Variants in RHBDL3 observed in about 807,000 individuals in gnomAD.
RHBDL3 encodes the protein rhomboid-related protein 3.
A neutral mutation model predicts 48.2 loss-of-function variants in RHBDL3; 28 were observed. The ratio of observed to expected loss-of-function variants is 0.58; its 90% CI spans 0.43 to 0.80. The LOEUF is 0.80. RHBDL3 is among the 30% of genes least tolerant of loss of function. RHBDL3 has a pLI of 0.00. For missense variants in RHBDL3, 464 were observed against 542.7 expected, an observed-to-expected ratio of 0.85 and a Z score of 1.44; for synonymous variants, 208 against 232.3, an observed-to-expected ratio of 0.90 and a Z score of 0.95.
At chr17:32,289,126 T>C in intron 4 of RHBDL3, 110 bp downstream of exon 4, 1 of 825,538 alleles carries the variant, frequency 1.2e-6, no homozygotes, top group South Asian at 1.6e-5. Context: ...ACATTTCTTT[T>C]CCATTGAAGG....
intron 3 of RHBDL3, among the ~76,000 whole-genome samples, chr17:32,287,187 C>A (rs2040217187): frequency 6.6e-6 from 1 of 152,196 alleles, no homozygotes; most frequent in Non-Finnish European, 1.5e-5. Context: ...CAGCACTGGG[C>A]ATGTGAGGGA....
chr17:32,299,691 C>T (rs1054557389), intron 6 of RHBDL3, among the ~76,000 whole-genome samples: 3 of 152,154 alleles, frequency 2.0e-5, no homozygotes, highest in African/African-American at 4.8e-5. Flanking sequence ...AGGTGACATG[C>T]AGTGGGGAGA....
intron 7 of RHBDL3, among the ~76,000 whole-genome samples, chr17:32,314,435 A>G (rs11080179): frequency 0.37 from 56,548 of 150,924 alleles, 12,229 homozygotes; most frequent in Non-Finnish European, 0.48. Context: ...CACCCGCCTC[A>G]GCCTCCCAAA....
chr17:32,296,577 G>A (rs1042022749), intron 5 of RHBDL3, among the ~76,000 whole-genome samples: 8 of 151,344 alleles, frequency 5.3e-5, no homozygotes, highest in Non-Finnish European at 1.2e-4. Context: ...GTTGTGATCC[G>A]CCCACCTCAG....
chr17:32,288,967 A>ACAC lies in RHBDL3; in HGVS notation c.472_474dup (p.Thr158dup). On this transcript the variant is annotated inframe_insertion, in exon 4 of 9. Coordinates refer to ENST00000269051, the MANE Select transcript of RHBDL3 (RefSeq NM_138328.3). ...GACCGCAAGTGGTACTATGACAGCT[A>ACAC]CACCTGCTGCCCCCCACCCTGGTTC... 1 of 1,614,168 alleles carries ACAC rather than the reference A, an allele frequency of 6.2e-7. No homozygotes were observed. Among genetic ancestry groups the ACAC allele is most frequent in the Non-Finnish European group, 8.5e-7 (1 of 1,180,020 alleles).
chr17:32,282,381 A>G (rs1358979720), intron 2 of RHBDL3, among the ~76,000 whole-genome samples: 1 of 152,174 alleles, frequency 6.6e-6, no homozygotes, highest in East Asian at 1.9e-4. Flanking sequence ...AGCCTGGGCA[A>G]CGTAGTGAGA....
rs9903601 is a variant in RHBDL3 at position 32,275,029 on chromosome 17, C to G, written c.135+7104C>G. On this transcript the variant is annotated intron_variant, in intron 2 of 8. Transcript: ENST00000269051. ...ATGCACCCGCTCTGCATCTTGCTCCCCTCCTTCTCCCTGGATCTGTTGGCT... is the reference window on the plus strand; with the variant it reads ...ATGCACCCGCTCTGCATCTTGCTCCGCTCCTTCTCCCTGGATCTGTTGGCT... 5.6e-3 allele frequency among the ~76,000 whole-genome samples: 849 copies of G among 152,266 alleles called. 12 individuals are homozygous for G. Among genetic ancestry groups the G allele is most frequent in the African/African-American group, 0.019 (790 of 41,548 alleles).
intron 2 of RHBDL3, among the ~76,000 whole-genome samples, chr17:32,269,654 G>C (rs1170638894): frequency 6.6e-6 from 1 of 152,226 alleles, no homozygotes; most frequent in African/African-American, 2.4e-5. Context: ...AGGCAGGAGG[G>C]AGCCCGCTGC....
intron 2 of RHBDL3, among the ~76,000 whole-genome samples, chr17:32,281,922 G>C (rs2040061716): frequency 6.6e-6 from 1 of 152,200 alleles, no homozygotes; most frequent in Non-Finnish European, 1.5e-5. Flanking sequence ...TTAGAGGAGT[G>C]CTCAGCTGTC....
At chr17:32,298,478 C>A (rs1453885633) in intron 6 of RHBDL3, among the ~76,000 whole-genome samples, 1 of 152,220 alleles carries the variant, frequency 6.6e-6, no homozygotes, top group African/African-American at 2.4e-5. Context: ...CTCACACCAC[C>A]ATGTGGTAGC....
Position 32,321,129 on chromosome 17 carries a change from G to T in RHBDL3, c.1115G>T (p.Trp372Leu). 6.2e-7 allele frequency: 1 copy of T among 1,614,246 alleles called. No individual in the cohort carries two copies. Among genetic ancestry groups the T allele is most frequent in the Non-Finnish European group, 8.5e-7 (1 of 1,180,042 alleles). The change falls in exon 9 of 9, where the codon TGG becomes TTG. Residue 372 changes from tryptophan (W) to leucine (L), a missense_variant. Trp to Leu is a moderately conservative substitution (Grantham distance 61). Coordinates refer to ENST00000269051, the MANE Select transcript of RHBDL3 (RefSeq NM_138328.3). ...AGGCTCCAGGACCAGTCACTGTGGT[G>T]GATTTTTGTGGCCATGTACACCGTC... ...EQRLQDQSLW[W>L]IFVAMYTVFV...
At chr17:32,269,709 C>T (rs867313459) in intron 2 of RHBDL3, among the ~76,000 whole-genome samples, 4 of 152,264 alleles carry the variant, frequency 2.6e-5, no homozygotes, top group Admixed American at 6.5e-5. Context: ...TTCACACCTC[C>T]TGCCAGATTT....
intron 1 of RHBDL3, 77 bp from the exon 2 acceptor site, chr17:32,267,825 T>C (rs2039672609): frequency 6.2e-7 from 1 of 1,611,870 alleles, no homozygotes; most frequent in Non-Finnish European, 8.5e-7. Flanking sequence ...ATCCGAGGAC[T>C]ACAGAGACCT....
intron 6 of RHBDL3, among the ~76,000 whole-genome samples, chr17:32,300,048 G>A (rs533555883): frequency 3.7e-4 from 56 of 152,248 alleles, no homozygotes; most frequent in African/African-American, 9.9e-4. Context: ...ACACAGCAAC[G>A]CTACGAGGTG....
intron 1 of RHBDL3, 46 bp downstream of exon 1, chr17:32,266,346 G>C: frequency 9.3e-7 from 1 of 1,080,670 alleles, no homozygotes. Flanking sequence ...GGGGCGCCGG[G>C]GGGAAAAGCC....
chr17:32,298,066 G>A, intron 5 of RHBDL3, 26 bp from the exon 6 acceptor site: 4 of 1,420,628 alleles, frequency 2.8e-6, no homozygotes, highest in Non-Finnish European at 3.0e-6. Flanking sequence ...ATAGATGAAT[G>A]AGTGAGTGTG....
intron 3 of RHBDL3, 61 bp downstream of exon 3, chr17:32,284,878 C>G (rs1368999783): frequency 1.4e-6 from 2 of 1,424,380 alleles, no homozygotes; most frequent in Non-Finnish European, 2.0e-6. Context: ...GGCTTCCACA[C>G]ATTTAAAGGA....
At position 32,284,971 on chromosome 17, in the gene RHBDL3, ATCT is replaced by A. The variant is rs149142125; in HGVS notation, c.294+158_294+160del. 2.7e-3 allele frequency among the ~76,000 whole-genome samples: 416 copies of A among 152,342 alleles called. 2 individuals carry two copies. The highest frequency in any genetic ancestry group is 9.7e-3 in the African/African-American group (403 of 41,584). On this transcript the variant is annotated intron_variant, in intron 3 of 8. Coordinates refer to ENST00000269051, the MANE Select transcript of RHBDL3 (RefSeq NM_138328.3). ...GGTGAAAGGGTGCCACCAAGGACTC[ATCT>A]TCTCTTTGTCTCTAGGCTCTGCCCT...
intron 6 of RHBDL3, among the ~76,000 whole-genome samples, chr17:32,303,183 G>A (rs1332635631): frequency 1.3e-5 from 2 of 152,190 alleles, no homozygotes; most frequent in Non-Finnish European, 2.9e-5. Context: ...GCCCATCCCT[G>A]CCTGGGGCTG....
Sources: gnomAD v4.1 joint callset for allele counts (sites outside exome capture counted in the v4.1 genomes callset) on GRCh38, gnomAD v4.1.1 for gene constraint, MANE v1.5 for transcripts, NCBI Gene and HGNC (gene_info 2026-07-23, HGNC 2026-07-21) for gene names.